SPNS2: variants seen among roughly 807,000 people sequenced by gnomAD.
SPNS2 encodes sphingosine-1-phosphate transporter SPNS2.
SPNS2 carries 37 observed loss-of-function variants against 57.6 expected under a neutral mutation model. That is an observed-to-expected ratio of 0.64 (90% CI 0.49 to 0.85). SPNS2 has a LOEUF of 0.85. SPNS2 is among the 40% of genes least tolerant of loss of function. The pLI, the probability that SPNS2 is intolerant of heterozygous loss-of-function variation, is 0.00. For missense variants in SPNS2, 831 were observed against 779.1 expected (o/e 1.07, Z -0.79); for synonymous variants, 440 against 346.9 (o/e 1.27, Z -2.98).
rs965413477 is a variant in SPNS2, at chr17:4,538,032, C to T, written c.*584C>T. On this transcript the variant is annotated 3_prime_UTR_variant, in exon 13 of 13. Transcript: ENST00000329078. ...ACGCAACCTGGCAAATGAAGCTGGGCGCCCAAGTCTCTGGGTACTCCCTGG... is the reference window on the plus strand; with the variant it reads ...ACGCAACCTGGCAAATGAAGCTGGGTGCCCAAGTCTCTGGGTACTCCCTGG... The T allele has an allele frequency of 4.6e-5, 16 of 350,878 alleles. No individual in the cohort carries two copies. Among genetic ancestry groups the T allele is most frequent in the Admixed American group, 1.1e-4 (3 of 26,372 alleles). 21.7% of individuals were successfully genotyped at this position (350,878 alleles called of 1,614,324 possible). A position where few individuals can be genotyped will look rare whatever the true frequency, so the allele number is the denominator to read the frequency against.
intron 3 of SPNS2, among the ~76,000 whole-genome samples, chr17:4,529,083 C>A (rs1482759785): frequency 1.3e-5 from 2 of 151,666 alleles, no homozygotes; most frequent in African/African-American, 4.8e-5. Context: ...TCACAGGCAC[C>A]CGCCAACACA....
chr17:4,504,127 A>G (rs1904609519), intron 1 of SPNS2, among the ~76,000 whole-genome samples: 1 of 152,030 alleles, frequency 6.6e-6, no homozygotes, highest in Non-Finnish European at 1.5e-5. Context: ...CTCTCTTTAG[A>G]TAAGGATGGC....
intron 1 of SPNS2, among the ~76,000 whole-genome samples, chr17:4,509,245 G>A (rs895198080): frequency 2.0e-5 from 3 of 152,194 alleles, no homozygotes; most frequent in African/African-American, 7.2e-5. Flanking sequence ...AGGAGGAAAG[G>A]AGGTGAGAAT....
At chr17:4,503,366 A>T (rs1453037279) in intron 1 of SPNS2, among the ~76,000 whole-genome samples, 9 of 152,164 alleles carry the variant, frequency 5.9e-5, no homozygotes, top group Non-Finnish European at 1.2e-4. Flanking sequence ...TCCTGCTCCT[A>T]TGGTCCCTAG....
At chr17:4,531,335 C>T (rs1011045521) in intron 5 of SPNS2, among the ~76,000 whole-genome samples, 17 of 152,234 alleles carry the variant, frequency 1.1e-4, no homozygotes, top group South Asian at 1.0e-3. Flanking sequence ...ACAGCCCCGC[C>T]GCCCTCGGGG....
intron 2 of SPNS2, among the ~76,000 whole-genome samples, chr17:4,515,911 C>G (rs1038078854): frequency 6.6e-6 from 1 of 152,218 alleles, no homozygotes; most frequent in Non-Finnish European, 1.5e-5. Context: ...TGAGGATGAG[C>G]CCACTTTCAG....
At chr17:4,526,485 C>A (rs977012032) in intron 3 of SPNS2, among the ~76,000 whole-genome samples, 3 of 152,076 alleles carry the variant, frequency 2.0e-5, no homozygotes, top group Non-Finnish European at 4.4e-5. Context: ...TGCCTATAAT[C>A]CCAGCTACTT....
chr17:4,503,167 G>A (rs886261904), intron 1 of SPNS2, among the ~76,000 whole-genome samples: 6 of 152,230 alleles, frequency 3.9e-5, no homozygotes, highest in Non-Finnish European at 5.9e-5. Flanking sequence ...CACGGGGGGC[G>A]GAGCAGGGCC....
At chr17:4,525,372 C>T (rs940774274) in intron 3 of SPNS2, among the ~76,000 whole-genome samples, 179 bp downstream of exon 3, 35 of 152,236 alleles carry the variant, frequency 2.3e-4, no homozygotes, top group South Asian at 2.1e-4. Context: ...ACCAGCCCTG[C>T]GGCTGGGGCC....
In SPNS2 at chr17:4,499,209, C is replaced by A; in HGVS notation, c.162C>A (p.Gly54=). 1 of 1,406,798 alleles carries A rather than the reference C, an allele frequency of 7.1e-7. No homozygotes were observed. The allele number at this position is 1,406,798 out of a possible 1,614,324, so 87.1% of individuals were successfully genotyped here. A position where few individuals can be genotyped will look rare whatever the true frequency, so the allele number is the denominator to read the frequency against. ...GCGGCGCTGGAGTCTCGGCCGCGGG[C>A]GATGAGGTGCAGACGCTGTCGGGCA... ...GAGGAGVSAA[G]DEVQTLSGSV... Residue 54 remains glycine, a synonymous_variant, in exon 1 of 13, where the codon GGC becomes GGA. Transcript: ENST00000329078. The surrounding 1 kb of genome is among the most constrained non-coding windows in gnomAD (Gnocchi z 5.2).
chr17:4,509,381 A>T (rs964488727), intron 1 of SPNS2, among the ~76,000 whole-genome samples: 20 of 152,244 alleles, frequency 1.3e-4, no homozygotes, highest in African/African-American at 4.8e-4. Flanking sequence ...CTGAGGCTGC[A>T]GTGAGCTGTG....
At chr17:4,525,315 T>C (rs991224937) in intron 3 of SPNS2, 122 bp downstream of exon 3, 39 of 1,372,276 alleles carry the variant, frequency 2.8e-5, no homozygotes, top group Non-Finnish European at 3.8e-5. Flanking sequence ...TGAACCCCAC[T>C]GTCTTCCCAG....
At chr17:4,526,920 C>T (rs1159132753) in intron 3 of SPNS2, among the ~76,000 whole-genome samples, 1 of 152,304 alleles carries the variant, frequency 6.6e-6, no homozygotes, top group East Asian at 1.9e-4. Flanking sequence ...CTGGTGGCCA[C>T]AGTCAAAAAT....
In SPNS2 at chr17:4,530,017, G is replaced by A. The variant is rs139022715; in HGVS notation, c.574-615G>A. On this transcript the variant is annotated intron_variant, in intron 3 of 12. Coordinates refer to ENST00000329078, the MANE Select transcript of SPNS2 (RefSeq NM_001124758.3). Reference sequence around the variant, plus strand: ...CTCAGGCCCCGGGCAGCTGGGGGACGGAGGGAGCAGGTCCACATCAAAGGG... The same window carrying A: ...CTCAGGCCCCGGGCAGCTGGGGGACAGAGGGAGCAGGTCCACATCAAAGGG... Among the ~76,000 whole-genome samples, 187 of 152,286 alleles carry A rather than the reference G, an allele frequency of 1.2e-3. 2 individuals are homozygous for A. In the East Asian group the frequency reaches 0.035, roughly 28 times the overall value.
At chr17:4,519,647 G>C (rs1221008133) in intron 2 of SPNS2, among the ~76,000 whole-genome samples, 2 of 152,250 alleles carry the variant, frequency 1.3e-5, no homozygotes, top group Non-Finnish European at 2.9e-5. Flanking sequence ...TGCTGGGAAA[G>C]CCGCCCCTAC....
In SPNS2 at chr17:4,539,012, G is replaced by A. The variant is rs757267277; in HGVS notation, c.*1564G>A. On this transcript the variant is annotated 3_prime_UTR_variant, in exon 13 of 13. Coordinates refer to ENST00000329078, the MANE Select transcript of SPNS2 (RefSeq NM_001124758.3). Reference sequence around the variant, plus strand: ...AGCCAAATATATTCCTCTTGTAAATGAAGAAATAAACCTATTTAAATCACC... The same window carrying A: ...AGCCAAATATATTCCTCTTGTAAATAAAGAAATAAACCTATTTAAATCACC... 12 of 821,378 alleles carry A rather than the reference G, an allele frequency of 1.5e-5. No individual in the cohort carries two copies. The highest frequency in any genetic ancestry group is 2.2e-5 in the Non-Finnish European group (10 of 455,634). 50.9% of individuals were successfully genotyped at this position (821,378 alleles called of 1,614,324 possible). A position where few individuals can be genotyped will look rare whatever the true frequency, so the allele number is the denominator to read the frequency against.
chr17:4,499,608 G>A lies in SPNS2; in HGVS notation c.370+191G>A. ...CTCCGTGCACCACGGGTACAATCCA[G>A]CTCCCCGCTCATACACACCCGGGGC... On this transcript the variant is annotated intron_variant, in intron 1 of 12. Transcript: ENST00000329078. The surrounding 1 kb of genome is among the most constrained non-coding windows in gnomAD (Gnocchi z 5.2). 1 of 413,938 alleles carries A rather than the reference G, an allele frequency of 2.4e-6. No individual in the cohort carries two copies. Among genetic ancestry groups the A allele is most frequent in the Non-Finnish European group, 4.2e-6 (1 of 235,970 alleles). 25.6% of individuals were successfully genotyped at this position (413,938 alleles called of 1,614,324 possible).
In SPNS2 at chr17:4,534,901, C is replaced by G. The variant is rs962957432; in HGVS notation, c.1344+1048C>G. On this transcript the variant is annotated intron_variant, in intron 9 of 12. Transcript: ENST00000329078. ...ACCCCCAGGGAGCGCCTGACAGCTG[C>G]CGGCAGGGTCAGGGTCCCGGGGAAA... Among the ~76,000 whole-genome samples, 4 of 152,126 alleles carry G rather than the reference C, an allele frequency of 2.6e-5. 1 individual carries two copies. Among genetic ancestry groups the G allele is most frequent in the Non-Finnish European group, 5.9e-5 (4 of 68,004 alleles).
At position 4,538,561 on chromosome 17, in the gene SPNS2, G is replaced by A; in HGVS notation, c.*1113G>A. On this transcript the variant is annotated 3_prime_UTR_variant, in exon 13 of 13. Transcript: ENST00000329078. ...TTCACACCAGCCCCAACCCGCTTTG[G>A]GGGAGCTTAGCCCCCTGCGTCACCC... is the stretch of plus-strand genomic sequence containing the variant. The A allele has an allele frequency of 2.8e-6, 1 of 355,758 alleles. No individual in the cohort carries two copies. Among genetic ancestry groups the A allele is most frequent in the South Asian group, 2.7e-5 (1 of 37,006 alleles). The allele number at this position is 355,758 out of a possible 1,614,324, so 22.0% of individuals were successfully genotyped here. A position where few individuals can be genotyped will look rare whatever the true frequency, so the allele number is the denominator to read the frequency against.
Sources: allele counts gnomAD v4.1 joint callset (sites outside exome capture counted in the v4.1 genomes callset), GRCh38; gene constraint gnomAD v4.1.1; non-coding constraint Gnocchi (gnomAD v3.1); transcripts MANE v1.5; gene names NCBI Gene and HGNC (gene_info 2026-07-23, HGNC 2026-07-21).